The following SLC13A1 variants were observed in gnomAD, a reference collection of about 807,000 sequenced individuals.
SLC13A1 encodes Na(+)/sulfate cotransporter.
Under a neutral mutation model 70.0 loss-of-function variants are expected in SLC13A1, and 65 were observed. The ratio of observed to expected loss-of-function variants is 0.93; its 90% CI spans 0.76 to 1.14. SLC13A1 has a LOEUF of 1.14. SLC13A1 is among the 50% of genes most tolerant of loss of function. SLC13A1 has a pLI of 0.00. For synonymous variants in SLC13A1, 275 were observed against 250.5 expected (o/e 1.10, Z -0.92); for missense variants, 726 against 717.8 (o/e 1.01, Z -0.13).
At chr7:123,180,542 T>C (rs1445859297) in intron 2 of SLC13A1, among the ~76,000 whole-genome samples, 1 of 152,088 alleles carries the variant, frequency 6.6e-6, no homozygotes, top group African/African-American at 2.4e-5. Flanking sequence ...TACATGAACA[T>C]TAGTTTGGCT....
chr7:123,161,969 G>A (rs1206966982), intron 6 of SLC13A1, among the ~76,000 whole-genome samples: 2 of 150,832 alleles, frequency 1.3e-5, no homozygotes, highest in Admixed American at 6.6e-5. Context: ...AGGCATATAT[G>A]CATGAAATAT....
At chr7:123,147,709 T>C (rs1361171859) in intron 6 of SLC13A1, among the ~76,000 whole-genome samples, 3 of 152,314 alleles carry the variant, frequency 2.0e-5, no homozygotes, top group East Asian at 3.9e-4. Flanking sequence ...CTGTGGTGTT[T>C]TGTTATGGTG....
chr7:123,142,756 T>G (rs547865335), intron 7 of SLC13A1, among the ~76,000 whole-genome samples: 1 of 151,088 alleles, frequency 6.6e-6, no homozygotes, highest in South Asian at 2.1e-4. Context: ...TAGCTGGGAC[T>G]ACAGATATGT....
chr7:123,146,214 G>A (rs1794345014), intron 7 of SLC13A1, among the ~76,000 whole-genome samples: 1 of 152,122 alleles, frequency 6.6e-6, no homozygotes, highest in South Asian at 2.1e-4. Context: ...GGAGAATCAT[G>A]GACCTTTTTG....
chr7:123,172,265 T>C (rs1795301982), intron 2 of SLC13A1, among the ~76,000 whole-genome samples: 1 of 152,228 alleles, frequency 6.6e-6, no homozygotes, highest in African/African-American at 2.4e-5. Flanking sequence ...GTCTTCATCA[T>C]GACCCATTAT....
At chr7:123,199,144 A>C (rs943585381) in intron 1 of SLC13A1, among the ~76,000 whole-genome samples, 1 of 152,194 alleles carries the variant, frequency 6.6e-6, no homozygotes, top group East Asian at 1.9e-4. Context: ...GTGCTCATTA[A>C]ATGTTTGCTG....
At chr7:123,123,010 AT>A (rs1793436098) in intron 12 of SLC13A1, 115 bp downstream of exon 12, 1 of 788,770 alleles carries the variant, frequency 1.3e-6, no homozygotes, top group Admixed American at 2.0e-5. Context: ...AGCTAGCAAA[AT>A]TTGCAACATT....
intron 1 of SLC13A1, among the ~76,000 whole-genome samples, chr7:123,189,416 C>T (rs561499145): frequency 6.6e-6 from 1 of 152,184 alleles, no homozygotes; most frequent in African/African-American, 2.4e-5. Flanking sequence ...AAAATAAGTT[C>T]TTACAGAATT....
chr7:123,172,383 G>A (rs1795305359), intron 2 of SLC13A1, among the ~76,000 whole-genome samples: 1 of 152,206 alleles, frequency 6.6e-6, no homozygotes, highest in Non-Finnish European at 1.5e-5. Flanking sequence ...CATTTTGGGA[G>A]GCCAAAGCAG....
At chr7:123,183,711 G>A (rs1385125974) in intron 1 of SLC13A1, among the ~76,000 whole-genome samples, 1 of 152,062 alleles carries the variant, frequency 6.6e-6, no homozygotes, top group Non-Finnish European at 1.5e-5. Flanking sequence ...GCATTTTCAG[G>A]CTCACAAGGT....
chr7:123,170,378 A>G lies in SLC13A1; in HGVS notation c.366-1043T>C, dbSNP rs144358995. ...TTTTAACTTCTTAAGGCATTGTCAA[A>G]ACAAGAAATCTTTGTATAAAAAATG... On this transcript the variant is annotated intron_variant, in intron 3 of 14. Coordinates refer to ENST00000194130, the MANE Select transcript of SLC13A1 (RefSeq NM_022444.4). 6.5e-3 allele frequency among the ~76,000 whole-genome samples: 984 copies of G among 152,346 alleles called. 11 individuals are homozygous for G. The highest frequency in any genetic ancestry group is 0.022 in the African/African-American group (913 of 41,580).
At chr7:123,128,357 T>C (rs1793634934) in intron 10 of SLC13A1, among the ~76,000 whole-genome samples, 1 of 152,158 alleles carries the variant, frequency 6.6e-6, no homozygotes, top group Admixed American at 6.6e-5. Flanking sequence ...ATAACATTAG[T>C]ATAGCACTTC....
intron 11 of SLC13A1, 62 bp downstream of exon 11, chr7:123,125,507 A>G (rs544697073): frequency 2.8e-5 from 35 of 1,237,578 alleles, no homozygotes; most frequent in Admixed American, 2.6e-4. Context: ...AGCGAAACCA[A>G]TGGAATTTTG....
At chr7:123,173,005 T>C (rs1285271470) in intron 2 of SLC13A1, among the ~76,000 whole-genome samples, 1 of 152,150 alleles carries the variant, frequency 6.6e-6, no homozygotes, top group East Asian at 1.9e-4. Flanking sequence ...GAGCACTTCA[T>C]GAGAGTGGTA....
At chr7:123,134,366 C>A (rs758511153) in intron 8 of SLC13A1, 44 bp downstream of exon 8, 9 of 1,586,478 alleles carry the variant, frequency 5.7e-6, no homozygotes, top group South Asian at 1.1e-5. Context: ...AACTGGGAAC[C>A]TAGACACCTT....
chr7:123,171,752 T>C lies in SLC13A1; in HGVS notation c.365+16A>G, dbSNP rs769450524. 3 of 1,612,532 alleles carry C rather than the reference T, an allele frequency of 1.9e-6. No individual in the cohort carries two copies. The highest frequency in any genetic ancestry group is 1.3e-5 in the African/African-American group (1 of 74,888). On this transcript the variant is annotated intron_variant, in intron 3 of 14. Transcript: ENST00000194130. Reference sequence around the variant, plus strand: ...TGTTCAGCAGGTAAACTGGAAGCAGTAAATGCAGTACTTACCATGCAGGAT... The same window carrying C: ...TGTTCAGCAGGTAAACTGGAAGCAGCAAATGCAGTACTTACCATGCAGGAT...
chr7:123,197,173 A>G (rs1796214047), intron 1 of SLC13A1, among the ~76,000 whole-genome samples: 1 of 152,250 alleles, frequency 6.6e-6, no homozygotes, highest in Non-Finnish European at 1.5e-5. Context: ...TTCACTTTAG[A>G]TGGAATTAAG....
chr7:123,147,715 T>C (rs1794412520), intron 6 of SLC13A1, among the ~76,000 whole-genome samples: 1 of 152,198 alleles, frequency 6.6e-6, no homozygotes, highest in Non-Finnish European at 1.5e-5. Flanking sequence ...TGTTTTGTTA[T>C]GGTGATATGA....
chr7:123,176,634 G>T (rs751621228), intron 2 of SLC13A1, among the ~76,000 whole-genome samples: 7 of 152,134 alleles, frequency 4.6e-5, no homozygotes, highest in Non-Finnish European at 1.0e-4. Flanking sequence ...TTTAAAAGGT[G>T]CTTTGTTAGT....
Sources: allele counts gnomAD v4.1 joint callset (sites outside exome capture counted in the v4.1 genomes callset), GRCh38; gene constraint gnomAD v4.1.1; transcripts MANE v1.5; gene names NCBI Gene and HGNC (gene_info 2026-07-23, HGNC 2026-07-21).